Variants in PCSK5 observed in about 807,000 individuals in gnomAD.
The protein encoded by PCSK5 is prohormone convertase 5.
Under a neutral mutation model 233.2 loss-of-function variants are expected in PCSK5, and 129 were observed. That is an observed-to-expected ratio of 0.55 (90% CI 0.48 to 0.64). The LOEUF is 0.64. Ranked by LOEUF, PCSK5 falls within the 30% of genes least tolerant of loss-of-function variation. The pLI is 0.00. For synonymous variants in PCSK5, 825 were observed against 879.2 expected (o/e 0.94, Z 1.09); for missense variants, 2,076 against 2,430.1 (o/e 0.85, Z 3.06).
chr9:76,126,885 CTA>C (rs1310248111), intron 9 of PCSK5, among the ~76,000 whole-genome samples: 13 of 152,088 alleles, frequency 8.5e-5, no homozygotes, highest in Admixed American at 2.0e-4. Context: ...GGTTTCATGA[CTA>C]TGCAATATAT....
At chr9:75,921,625 G>A (rs1427663284) in intron 1 of PCSK5, among the ~76,000 whole-genome samples, 1 of 151,730 alleles carries the variant, frequency 6.6e-6, no homozygotes, top group South Asian at 2.1e-4. Context: ...AAAACAGGTG[G>A]GATAGCTTAA....
At position 76,289,522 on chromosome 9, in the gene PCSK5, A is replaced by ATG. The variant is rs1564159637; in HGVS notation, c.3143-2711_3143-2710insTG. On this transcript the variant is annotated intron_variant, in intron 24 of 37. Transcript: ENST00000674117. ...ACACACACACACACGCAACATACAC[A>ATG]CACACACACACACACACACACACAC... Among the ~76,000 whole-genome samples, 391 of 85,498 alleles carry ATG rather than the reference A, an allele frequency of 4.6e-3. 3 individuals are homozygous for ATG. Among genetic ancestry groups the ATG allele is most frequent in the African/African-American group, 0.016 (373 of 22,736 alleles). The allele number at this position is 85,498 out of a possible 152,430, so 56.1% of individuals were successfully genotyped here. A position where few individuals can be genotyped will look rare whatever the true frequency, so the allele number is the denominator to read the frequency against.
intron 20 of PCSK5, among the ~76,000 whole-genome samples, chr9:76,190,642 A>G (rs1824330613): frequency 1.3e-5 from 2 of 152,188 alleles, no homozygotes; most frequent in Non-Finnish European, 2.9e-5. Context: ...TATAATTTTG[A>G]TGTATAAACA....
At chr9:75,983,356 T>C (rs1370317108) in intron 2 of PCSK5, among the ~76,000 whole-genome samples, 1 of 152,136 alleles carries the variant, frequency 6.6e-6, no homozygotes, top group Non-Finnish European at 1.5e-5. Context: ...TCCAAAATAA[T>C]GAGATACAAG....
intron 14 of PCSK5, among the ~76,000 whole-genome samples, chr9:76,175,972 T>C (rs1823596050): frequency 1.3e-5 from 2 of 152,106 alleles, no homozygotes; most frequent in Admixed American, 1.3e-4. Flanking sequence ...GCTGAAAACA[T>C]ATTCTCACTT....
chr9:76,040,339 C>CTG (rs1563988463), intron 5 of PCSK5, among the ~76,000 whole-genome samples: 6 of 39,148 alleles, frequency 1.5e-4, no homozygotes, highest in Admixed American at 1.5e-3. Context: ...CTCTCTCTCT[C>CTG]TCTCTCTCTC....
At chr9:76,109,536 A>G (rs1325953711) in intron 9 of PCSK5, among the ~76,000 whole-genome samples, 1 of 150,604 alleles carries the variant, frequency 6.6e-6, no homozygotes, top group Non-Finnish European at 1.5e-5. Flanking sequence ...TTTGGACTGC[A>G]TAACACATTG....
chr9:75,930,946 C>A (rs1032256119), intron 1 of PCSK5, among the ~76,000 whole-genome samples: 5 of 152,220 alleles, frequency 3.3e-5, no homozygotes, highest in African/African-American at 4.8e-5. Flanking sequence ...TCATTGTTCA[C>A]TGCTGCTTCA....
chr9:76,257,213 AC>A (rs996884181), intron 24 of PCSK5, among the ~76,000 whole-genome samples: 1 of 150,966 alleles, frequency 6.6e-6, no homozygotes, highest in African/African-American at 2.4e-5. Flanking sequence ...TCCTCATCTC[AC>A]CCCCCAACTC....
At chr9:76,347,138 T>C (rs1830001919) in intron 35 of PCSK5, among the ~76,000 whole-genome samples, 1 of 152,028 alleles carries the variant, frequency 6.6e-6, no homozygotes, top group South Asian at 2.1e-4. Flanking sequence ...ATAAAATGGT[T>C]TGGAATCAAA....
chr9:76,003,375 A>G (rs969033903), intron 3 of PCSK5, among the ~76,000 whole-genome samples: 1 of 152,246 alleles, frequency 6.6e-6, no homozygotes, highest in African/African-American at 2.4e-5. Flanking sequence ...CCTGTCTCAA[A>G]GAAATAAAAA....
At chr9:76,205,239 G>A (rs377394693) in intron 20 of PCSK5, 6 of 518,572 alleles carry the variant, frequency 1.2e-5, no homozygotes, top group South Asian at 5.6e-5. Context: ...TCCACCTCCC[G>A]CTTCCAGCTC....
intron 1 of PCSK5, among the ~76,000 whole-genome samples, chr9:75,929,122 A>G (rs1476569809): frequency 6.6e-6 from 1 of 151,972 alleles, no homozygotes; most frequent in African/African-American, 2.4e-5. Context: ...TTTAGTAGAG[A>G]TGGGGTTTCA....
At chr9:76,262,382 T>C (rs377626253) in intron 24 of PCSK5, among the ~76,000 whole-genome samples, 2 of 152,096 alleles carry the variant, frequency 1.3e-5, no homozygotes, top group Non-Finnish European at 2.9e-5. Flanking sequence ...AACTATACTA[T>C]GAGGCTACAG....
At chr9:75,973,680 A>G (rs1049304811) in intron 2 of PCSK5, among the ~76,000 whole-genome samples, 1 of 152,190 alleles carries the variant, frequency 6.6e-6, no homozygotes, top group Non-Finnish European at 1.5e-5. Context: ...CTGAGCTGCT[A>G]AGTATTTAAT....
intron 5 of PCSK5, among the ~76,000 whole-genome samples, chr9:76,064,878 A>C (rs1830226736): frequency 1.3e-5 from 2 of 152,174 alleles, no homozygotes; most frequent in African/African-American, 4.8e-5. Flanking sequence ...GTAGAGACGC[A>C]GTCTCCCTAT....
intron 30 of PCSK5, among the ~76,000 whole-genome samples, chr9:76,317,400 C>A (rs955025549): frequency 1.3e-5 from 2 of 152,086 alleles, no homozygotes; most frequent in Non-Finnish European, 1.5e-5. Context: ...TTCTGTTCAC[C>A]CCTGCCCTAT....
intron 20 of PCSK5, among the ~76,000 whole-genome samples, 188 bp from the exon 21 acceptor site, chr9:76,227,315 G>A (rs73650501): frequency 0.025 from 3,736 of 152,250 alleles, 145 homozygotes; most frequent in African/African-American, 0.084. Context: ...TGGAGCCCCC[G>A]GGAGAGGAGC....
At position 76,197,569 on chromosome 9, in the gene PCSK5, A is replaced by C. The variant is rs1461500555; in HGVS notation, c.2626+7823A>C. Among the ~76,000 whole-genome samples, 3 of 152,346 alleles carry C rather than the reference A, an allele frequency of 2.0e-5. No individual in the cohort carries two copies. The East Asian group carries it at 5.8e-4, about 29-fold the overall frequency. On this transcript the variant is annotated intron_variant, in intron 20 of 37. Coordinates refer to ENST00000674117, the MANE Select transcript of PCSK5 (RefSeq NM_001372043.1). Reference sequence around the variant, plus strand: ...GAATGTCATGCCGCTAAAATATAAAATAGACATTCATTCTTAACAGCTTCC... The same window carrying C: ...GAATGTCATGCCGCTAAAATATAAACTAGACATTCATTCTTAACAGCTTCC...
Sources: allele counts gnomAD v4.1 joint callset (sites outside exome capture counted in the v4.1 genomes callset), GRCh38; gene constraint gnomAD v4.1.1; transcripts MANE v1.5; gene names NCBI Gene and HGNC (gene_info 2026-07-23, HGNC 2026-07-21).